VKORC1L1: variants seen among roughly 807,000 people sequenced by gnomAD.
VKORC1L1 encodes the protein vitamin K epoxide reductase complex subunit 1-like protein 1.
Under a neutral mutation model 18.9 loss-of-function variants are expected in VKORC1L1, and 2 were observed. That is an observed-to-expected ratio of 0.11 (90% CI 0.04 to 0.33). The LOEUF (loss-of-function observed/expected upper bound fraction) is 0.33, where lower values mean the gene tolerates loss of function less well. VKORC1L1 is among the 10% of genes least tolerant of loss of function. VKORC1L1 has a pLI of 1.00. For missense variants in VKORC1L1, 123 were observed against 224.1 expected (o/e 0.55, Z 2.88); for synonymous variants, 96 against 100.0 (o/e 0.96, Z 0.24).
chr7:65,946,484 CAG>C (rs1405676549), intron 1 of VKORC1L1, among the ~76,000 whole-genome samples: 2 of 152,062 alleles, frequency 1.3e-5, no homozygotes, highest in Non-Finnish European at 2.9e-5. Flanking sequence ...TCTGGAAATG[CAG>C]AGTCTTAGGC....
chr7:65,890,970 A>C (rs750139727), intron 1 of VKORC1L1, among the ~76,000 whole-genome samples: 1 of 152,210 alleles, frequency 6.6e-6, no homozygotes, highest in Non-Finnish European at 1.5e-5. Context: ...TTCCAGAAAG[A>C]AGCTGCTATT....
intron 1 of VKORC1L1, among the ~76,000 whole-genome samples, chr7:65,913,456 G>A (rs1191196324): frequency 1.3e-5 from 2 of 151,918 alleles, no homozygotes; most frequent in Non-Finnish European, 2.9e-5. Context: ...AGGCAGGCGC[G>A]GTGACTCTCA....
At chr7:65,913,454 G>T (rs573141690) in intron 1 of VKORC1L1, among the ~76,000 whole-genome samples, 5 of 151,978 alleles carry the variant, frequency 3.3e-5, no homozygotes. Context: ...AGAGGCAGGC[G>T]CGGTGACTCT....
intron 1 of VKORC1L1, among the ~76,000 whole-genome samples, chr7:65,922,434 C>T (rs908519903): frequency 2.0e-5 from 3 of 152,168 alleles, no homozygotes; most frequent in African/African-American, 7.2e-5. Context: ...ATGTGCTGCA[C>T]CACCACTTCT....
chr7:65,933,724 C>G (rs1789895329), intron 1 of VKORC1L1, among the ~76,000 whole-genome samples: 1 of 152,116 alleles, frequency 6.6e-6, no homozygotes, highest in Non-Finnish European at 1.5e-5. Context: ...AGGTCAACCT[C>G]TCTGTTTTGG....
upstream of VKORC1L1, among the ~76,000 whole-genome samples, chr7:65,869,358 C>T (rs937662461): frequency 2.6e-5 from 4 of 151,998 alleles, no homozygotes; most frequent in African/African-American, 7.2e-5. Context: ...AAAAAGCACA[C>T]GGGATGGCAG....
intron 1 of VKORC1L1, among the ~76,000 whole-genome samples, chr7:65,898,122 T>G (rs1306776777): frequency 7.7e-6 from 1 of 129,804 alleles, no homozygotes; most frequent in Non-Finnish European, 1.6e-5. Context: ...AGAGTCTCAC[T>G]TTGTCACCCA....
chr7:65,898,549 A>G (rs1186541873), intron 1 of VKORC1L1, among the ~76,000 whole-genome samples: 3 of 152,248 alleles, frequency 2.0e-5, no homozygotes, highest in African/African-American at 4.8e-5. Flanking sequence ...TTGCAAGCAT[A>G]TATAATTGGA....
intron 1 of VKORC1L1, among the ~76,000 whole-genome samples, chr7:65,923,374 C>T (rs1789709406): frequency 6.6e-6 from 1 of 151,488 alleles, no homozygotes. Context: ...CACTGCACTC[C>T]AGCCTAGGCG....
chr7:65,921,069 G>C (rs560890369), intron 1 of VKORC1L1, among the ~76,000 whole-genome samples: 82 of 151,940 alleles, frequency 5.4e-4, no homozygotes, highest in Non-Finnish European at 9.9e-4. Context: ...CTTTGGGGGG[G>C]GTTTAACTGG....
chr7:65,881,851 G>A (rs1209107526), intron 1 of VKORC1L1, among the ~76,000 whole-genome samples: 6 of 152,112 alleles, frequency 3.9e-5, no homozygotes, highest in African/African-American at 9.7e-5. Flanking sequence ...AGGCTGAGGC[G>A]GATGTATCAC....
intron 1 of VKORC1L1, among the ~76,000 whole-genome samples, chr7:65,900,905 G>T (rs529744681): frequency 6.3e-4 from 96 of 152,252 alleles, no homozygotes; most frequent in African/African-American, 2.2e-3. Context: ...TGTGAATGAA[G>T]AAGTCCAAGG....
At chr7:65,888,750 A>T (rs1401650389) in intron 1 of VKORC1L1, among the ~76,000 whole-genome samples, 1 of 152,162 alleles carries the variant, frequency 6.6e-6, no homozygotes. Flanking sequence ...TGCCCAGTAC[A>T]CTCAGACCCA....
chr7:65,884,298 T>C (rs781300843), intron 1 of VKORC1L1, among the ~76,000 whole-genome samples: 10 of 152,204 alleles, frequency 6.6e-5, no homozygotes, highest in Non-Finnish European at 1.3e-4. Flanking sequence ...GTTACTGTTA[T>C]TTTAGAACAT....
At chr7:65,947,144 A>C (rs796793008) in intron 1 of VKORC1L1, among the ~76,000 whole-genome samples, 1 of 150,728 alleles carries the variant, frequency 6.6e-6, no homozygotes, top group Non-Finnish European at 1.5e-5. Context: ...TCAAAAAAAC[A>C]AAACAAAACA....
chr7:65,894,819 G>A (rs546742677), intron 1 of VKORC1L1, among the ~76,000 whole-genome samples: 1 of 152,348 alleles, frequency 6.6e-6, no homozygotes, highest in South Asian at 2.1e-4. Flanking sequence ...GGCAAGGCAG[G>A]AGGATCACTT....
intron 1 of VKORC1L1, among the ~76,000 whole-genome samples, chr7:65,948,445 G>GGT (rs1790157099): frequency 8.1e-6 from 1 of 124,062 alleles, no homozygotes; most frequent in East Asian, 2.2e-4. Flanking sequence ...GATTCAGATG[G>GGT]GTATACTGGC....
intron 1 of VKORC1L1, among the ~76,000 whole-genome samples, chr7:65,943,543 T>C (rs1375090720): frequency 6.6e-6 from 1 of 152,156 alleles, no homozygotes; most frequent in African/African-American, 2.4e-5. Flanking sequence ...TTCTCCCACC[T>C]TTTTAGACTT....
intron 1 of VKORC1L1, among the ~76,000 whole-genome samples, chr7:65,884,274 A>T (rs1332857457): frequency 6.6e-6 from 1 of 152,164 alleles, no homozygotes; most frequent in African/African-American, 2.4e-5. Flanking sequence ...GCATAAAGGT[A>T]CTCATAAAAC....
Sources: allele counts gnomAD v4.1 joint callset (sites outside exome capture counted in the v4.1 genomes callset), GRCh38; gene constraint gnomAD v4.1.1; transcripts MANE v1.5; gene names NCBI Gene and HGNC (gene_info 2026-07-23, HGNC 2026-07-21).